ZNF704: variants seen among roughly 807,000 people sequenced by gnomAD.
ZNF704 encodes zinc finger protein 704.
In ZNF704, 10 loss-of-function variants were observed where a neutral mutation model predicts 44.7. The ratio of observed to expected loss-of-function variants is 0.22; its 90% confidence interval spans 0.14 to 0.38. The LOEUF (loss-of-function observed/expected upper bound fraction) is 0.38, where lower values mean the gene tolerates loss of function less well. ZNF704 is among the 10% of genes least tolerant of loss of function. The pLI, the probability that ZNF704 is intolerant of heterozygous loss-of-function variation, is 1.00. For synonymous variants in ZNF704, 211 were observed against 207.6 expected (o/e 1.02, Z -0.14); for missense variants, 390 against 545.5 (o/e 0.71, Z 2.84).
chr8:80,701,890 G>A (rs770266419), intron 2 of ZNF704, among the ~76,000 whole-genome samples: 2 of 152,160 alleles, frequency 1.3e-5, no homozygotes, highest in Non-Finnish European at 2.9e-5. Flanking sequence ...GAAATTAGAG[G>A]CAGTCATTGT....
intron 1 of ZNF704, among the ~76,000 whole-genome samples, chr8:80,865,006 A>C (rs192913562): frequency 5.4e-4 from 83 of 152,312 alleles, no homozygotes; most frequent in Non-Finnish European, 1.0e-3. Flanking sequence ...CTGAGCTGAA[A>C]GGGAAGATTA....
chr8:80,727,635 G>A (rs999009961), intron 2 of ZNF704, among the ~76,000 whole-genome samples: 2 of 151,934 alleles, frequency 1.3e-5, no homozygotes, highest in African/African-American at 2.4e-5. Flanking sequence ...CTTGGAGGAC[G>A]CACATCATAC....
chr8:80,855,189 G>A (rs1017292767), intron 1 of ZNF704, among the ~76,000 whole-genome samples: 8 of 152,130 alleles, frequency 5.3e-5, no homozygotes, highest in Non-Finnish European at 1.2e-4. Context: ...TGGATACAAT[G>A]TTTTGATATC....
intron 2 of ZNF704, among the ~76,000 whole-genome samples, chr8:80,741,224 A>C (rs1201567833): frequency 6.6e-6 from 1 of 152,206 alleles, no homozygotes; most frequent in Non-Finnish European, 1.5e-5. Context: ...GCCAATACCC[A>C]TTTAGTAAGA....
Position 80,771,203 on chromosome 8 carries a change from T to C in ZNF704, c.221+50171A>G, listed in dbSNP as rs373718962. Among the ~76,000 whole-genome samples the C allele has an allele frequency of 1.5e-3, 225 of 152,308 alleles. 2 individuals carry two copies. Among genetic ancestry groups the C allele is most frequent in the African/African-American group, 4.6e-3 (192 of 41,594 alleles). On this transcript the variant is annotated intron_variant, in intron 2 of 8. Coordinates refer to ENST00000327835, the MANE Select transcript of ZNF704 (RefSeq NM_001033723.3). ...CTGTTTTACTTTCTTTGACTTTCCA[T>C]ATAAATTTTTGAATAACCTTCTCTG...
intron 2 of ZNF704, chr8:80,776,988 A>T (rs1367041798): frequency 6.6e-6 from 1 of 152,094 alleles, no homozygotes; most frequent in Non-Finnish European, 1.5e-5. Context: ...TGATTTGTTC[A>T]GTTTATTCTA....
At chr8:80,657,194 A>G (rs1290667045) in intron 7 of ZNF704, among the ~76,000 whole-genome samples, 1 of 152,170 alleles carries the variant, frequency 6.6e-6, no homozygotes, top group African/African-American at 2.4e-5. Context: ...GAGCATGGCC[A>G]GAGAGTTTAG....
At chr8:80,752,228 A>AAT (rs1806956118) in intron 2 of ZNF704, among the ~76,000 whole-genome samples, 1 of 152,202 alleles carries the variant, frequency 6.6e-6, no homozygotes, top group African/African-American at 2.4e-5. Context: ...CCTTAGGCAT[A>AAT]ATAAGCTTTT....
chr8:80,684,547 G>A (rs1818503671), intron 4 of ZNF704, among the ~76,000 whole-genome samples: 1 of 152,206 alleles, frequency 6.6e-6, no homozygotes, highest in African/African-American at 2.4e-5. Flanking sequence ...AGGGAAAGGA[G>A]AGGAAAATAA....
chr8:80,694,647 T>C (rs564792031), intron 2 of ZNF704, among the ~76,000 whole-genome samples: 2 of 152,178 alleles, frequency 1.3e-5, no homozygotes, highest in South Asian at 2.1e-4. Context: ...AATTCTTAAA[T>C]TGGAGAAAAA....
At chr8:80,881,054 T>G in the ZNF704 span, among the ~76,000 whole-genome samples, 5 of 152,232 alleles carry the variant, frequency 3.3e-5, no homozygotes, top group Admixed American at 2.0e-4. Flanking sequence ...AGGTTTTGTT[T>G]TAGTGAGTGT....
intron 2 of ZNF704, among the ~76,000 whole-genome samples, chr8:80,728,406 C>T (rs1806520651): frequency 6.6e-6 from 1 of 152,138 alleles, no homozygotes; most frequent in East Asian, 1.9e-4. Context: ...CTTGTTTTGG[C>T]CAAGAAACCA....
intron 3 of ZNF704, among the ~76,000 whole-genome samples, chr8:80,688,329 C>A (rs1242068773): frequency 1.3e-5 from 2 of 152,114 alleles, no homozygotes; most frequent in African/African-American, 4.8e-5. Context: ...TATCTAAAGC[C>A]CCTTTCCATT....
intron 4 of ZNF704, among the ~76,000 whole-genome samples, chr8:80,680,129 C>A (rs1585946835): frequency 6.6e-6 from 1 of 152,082 alleles, no homozygotes; most frequent in African/African-American, 2.4e-5. Flanking sequence ...CAGAGTGATA[C>A]TTAGGATTGA....
intron 4 of ZNF704, 36 bp downstream of exon 4, chr8:80,687,190 A>C: frequency 6.3e-7 from 1 of 1,579,994 alleles, no homozygotes; most frequent in East Asian, 2.3e-5. Context: ...ACCTTCAGGA[A>C]ACTGAATGCA....
At chr8:80,763,641 G>A (rs1485819429) in intron 2 of ZNF704, among the ~76,000 whole-genome samples, 1 of 152,212 alleles carries the variant, frequency 6.6e-6, no homozygotes, top group Non-Finnish European at 1.5e-5. Flanking sequence ...ACATGTCCTG[G>A]AGACATTTCC....
chr8:80,726,773 A>T (rs1003461183), intron 2 of ZNF704, among the ~76,000 whole-genome samples: 4 of 152,100 alleles, frequency 2.6e-5, no homozygotes, highest in African/African-American at 9.7e-5. Context: ...AATTTCCTTG[A>T]AAGTACATCA....
intron 7 of ZNF704, among the ~76,000 whole-genome samples, chr8:80,646,733 G>A (rs1483332207): frequency 3.9e-5 from 6 of 152,146 alleles, no homozygotes; most frequent in Non-Finnish European, 7.3e-5. Flanking sequence ...GTTTTGTACA[G>A]GATGAATAAC....
chr8:80,665,115 A>G (rs1818169924), intron 5 of ZNF704, 33 bp from the exon 6 acceptor site: 1 of 1,602,942 alleles, frequency 6.2e-7, no homozygotes, highest in Non-Finnish European at 8.5e-7. Flanking sequence ...AATCATACTA[A>G]GCCAATCTGT....
Sources: allele counts gnomAD v4.1 joint callset (sites outside exome capture counted in the v4.1 genomes callset), GRCh38; gene constraint gnomAD v4.1.1; transcripts MANE v1.5; gene names NCBI Gene and HGNC (gene_info 2026-07-23, HGNC 2026-07-21).